The following VPS13B variants were observed in gnomAD, a reference collection of about 807,000 sequenced individuals.
The protein encoded by VPS13B is vacuolar protein sorting 13 homolog B, also known as intermembrane lipid transfer protein VPS13B.
In VPS13B, 285 loss-of-function variants were observed where a neutral mutation model predicts 426.4. The observed-to-expected ratio is 0.67, with a 90% confidence interval of 0.61 to 0.74. VPS13B has a LOEUF of 0.74. VPS13B is among the 30% of genes least tolerant of loss of function. The pLI is 0.00. For synonymous variants in VPS13B, 1,676 were observed against 1,676.4 expected, an observed-to-expected ratio of 1.00 and a Z score of 0.01; for missense variants, 4,537 against 4,782.6, an observed-to-expected ratio of 0.95 and a Z score of 1.51.
intron 39 of VPS13B, among the ~76,000 whole-genome samples, chr8:99,759,980 A>G (rs1396351762): frequency 1.4e-5 from 2 of 147,852 alleles, no homozygotes. Flanking sequence ...TTTTTGTATT[A>G]TTGTTATTAT....
chr8:99,119,753 T>C (rs952329248), intron 7 of VPS13B, among the ~76,000 whole-genome samples: 1 of 152,178 alleles, frequency 6.6e-6, no homozygotes, highest in African/African-American at 2.4e-5. Context: ...ATAAAGCTTT[T>C]TGAGTAAGAA....
intron 48 of VPS13B, 134 bp downstream of exon 48, chr8:99,819,716 G>A (rs1814257416): frequency 2.4e-6 from 3 of 1,225,096 alleles, no homozygotes; most frequent in Non-Finnish European, 3.4e-6. Flanking sequence ...TCTAGTAGGT[G>A]TATTTTGTAG....
intron 39 of VPS13B, among the ~76,000 whole-genome samples, chr8:99,725,707 C>A (rs1427940089): frequency 1.3e-5 from 2 of 152,162 alleles, no homozygotes; most frequent in Non-Finnish European, 2.9e-5. Context: ...CATTATATAT[C>A]ACTATTTTAT....
intron 52 of VPS13B, among the ~76,000 whole-genome samples, chr8:99,833,081 T>G (rs1321792642): frequency 6.6e-6 from 1 of 152,248 alleles, no homozygotes; most frequent in African/African-American, 2.4e-5. Flanking sequence ...TTCCCATATT[T>G]TACTTTTACT....
At chr8:99,547,701 G>C (rs935037507) in intron 30 of VPS13B, among the ~76,000 whole-genome samples, 2 of 152,068 alleles carry the variant, frequency 1.3e-5, no homozygotes, top group Non-Finnish European at 2.9e-5. Flanking sequence ...AACTATTGCA[G>C]ACTTTATCCT....
intron 17 of VPS13B, among the ~76,000 whole-genome samples, chr8:99,269,614 A>C (rs969138941): frequency 6.6e-6 from 1 of 152,248 alleles, no homozygotes. Flanking sequence ...TACAAGGTAA[A>C]GAATGCTGCC....
intron 31 of VPS13B, among the ~76,000 whole-genome samples, chr8:99,563,753 A>G (rs1825050391): frequency 6.6e-6 from 1 of 152,182 alleles, no homozygotes; most frequent in South Asian, 2.1e-4. Context: ...TACCAAATAA[A>G]GGCTAACTTA....
intron 39 of VPS13B, among the ~76,000 whole-genome samples, chr8:99,746,740 A>C (rs1480566447): frequency 6.6e-6 from 1 of 152,144 alleles, no homozygotes; most frequent in Non-Finnish European, 1.5e-5. Flanking sequence ...TTATATGTAG[A>C]AGTGAGTAAA....
chr8:99,664,374 T>A (rs1199004566), intron 35 of VPS13B, among the ~76,000 whole-genome samples: 1 of 151,932 alleles, frequency 6.6e-6, no homozygotes, highest in Non-Finnish European at 1.5e-5. Flanking sequence ...CATGCAGGTT[T>A]GTTACATATG....
chr8:99,340,923 A>C, intron 19 of VPS13B: 1 of 287,136 alleles, frequency 3.5e-6, no homozygotes, highest in Non-Finnish European at 7.3e-6. Context: ...GGATGGATTC[A>C]ACAAAGGTGG....
chr8:99,535,499 C>A (rs1004193723), intron 30 of VPS13B, among the ~76,000 whole-genome samples: 1 of 152,084 alleles, frequency 6.6e-6, no homozygotes, highest in African/African-American at 2.4e-5. Flanking sequence ...TGAGCAAAAA[C>A]CAAATATCTG....
chr8:99,637,847 C>T (rs1829132640), intron 33 of VPS13B, among the ~76,000 whole-genome samples: 1 of 152,014 alleles, frequency 6.6e-6, no homozygotes, highest in African/African-American at 2.4e-5. Flanking sequence ...GGTTGACTTT[C>T]CTGAGTCAAA....
At chr8:99,723,661 T>C (rs1462729205) in intron 39 of VPS13B, among the ~76,000 whole-genome samples, 20 of 151,972 alleles carry the variant, frequency 1.3e-4, no homozygotes, top group Admixed American at 1.3e-3. Context: ...GTCCAGGAGA[T>C]CAGAGAGTCC....
At chr8:99,069,465 A>C (rs1563519916) in intron 3 of VPS13B, among the ~76,000 whole-genome samples, 2 of 152,242 alleles carry the variant, frequency 1.3e-5, no homozygotes, top group African/African-American at 2.4e-5. Context: ...TGAGAGACAA[A>C]AGAACAAGTT....
intron 35 of VPS13B, among the ~76,000 whole-genome samples, chr8:99,683,188 C>T (rs941909611): frequency 1.3e-5 from 2 of 152,098 alleles, no homozygotes; most frequent in Admixed American, 1.3e-4. Flanking sequence ...TATTTCTGGA[C>T]TCTGTTCTGT....
chr8:99,422,237 T>C (rs1015752928), intron 21 of VPS13B, among the ~76,000 whole-genome samples: 2 of 152,314 alleles, frequency 1.3e-5, no homozygotes, highest in Non-Finnish European at 2.9e-5. Flanking sequence ...ATGTTTTTCA[T>C]AGCTATTTGA....
intron 35 of VPS13B, among the ~76,000 whole-genome samples, chr8:99,670,657 CT>C (rs762200349): frequency 6.6e-6 from 1 of 152,100 alleles, no homozygotes; most frequent in Non-Finnish European, 1.5e-5. Context: ...CCCCTAGCCC[CT>C]GGCAACAAAC....
At chr8:99,111,857 G>T (rs931107031) in intron 6 of VPS13B, among the ~76,000 whole-genome samples, 5 of 151,966 alleles carry the variant, frequency 3.3e-5, no homozygotes, top group African/African-American at 1.2e-4. Context: ...AGGGTATATT[G>T]TGTGATGCTT....
intron 57 of VPS13B, among the ~76,000 whole-genome samples, chr8:99,859,848 G>T (rs1404239840): frequency 6.6e-6 from 1 of 152,140 alleles, no homozygotes; most frequent in Non-Finnish European, 1.5e-5. Context: ...TTTTTTAAAT[G>T]TAGATACAGT....
Sources: gnomAD v4.1 joint callset for allele counts (sites outside exome capture counted in the v4.1 genomes callset) on GRCh38, gnomAD v4.1.1 for gene constraint, MANE v1.5 for transcripts, NCBI Gene and HGNC (gene_info 2026-07-23, HGNC 2026-07-21) for gene names.